The following ACSL5 variants were observed in gnomAD, a reference collection of about 807,000 sequenced individuals.
The protein encoded by ACSL5 is long-chain-fatty-acid--CoA ligase 5.
A neutral mutation model predicts 84.9 loss-of-function variants in ACSL5; 50 were observed. The observed-to-expected ratio is 0.59, with a 90% CI of 0.47 to 0.75. ACSL5 has a LOEUF of 0.75. ACSL5 is among the 30% of genes least tolerant of loss of function. The probability of loss-of-function intolerance (pLI) is 0.00; values close to 1 mark genes in which losing one functional copy is unlikely to be tolerated. For synonymous variants in ACSL5, 280 were observed against 300.7 expected (o/e 0.93, Z 0.71); for missense variants, 775 against 830.4 (o/e 0.93, Z 0.82).
intron 1 of ACSL5, among the ~76,000 whole-genome samples, chr10:112,390,651 GATAA>G (rs1051764118): frequency 1.9e-4 from 22 of 114,870 alleles, no homozygotes; most frequent in South Asian, 3.0e-4. Flanking sequence ...CTGGTAGATA[GATAA>G]ATAGATAGAT....
chr10:112,409,558 T>C lies in ACSL5; in HGVS notation c.584T>C (p.Ile195Thr). 6.2e-7 allele frequency: 1 copy of C among 1,613,992 alleles called. No homozygotes were observed. Among genetic ancestry groups the C allele is most frequent in the South Asian group, 1.1e-5 (1 of 91,058 alleles). The change falls in exon 7 of 21, where the codon ATA becomes ACA. Residue 195 changes from isoleucine to threonine, a missense_variant. Ile to Thr is a moderately conservative substitution (Grantham distance 89). Transcript: ENST00000354655. ...CDTPQKALVL[I>T]GNVEKGFTPS... The stretch of plus-strand genomic sequence containing the variant: ...ACACCCCAAAAGGCATTGGTGCTGA[T>C]AGGGAATGTAGAGAAAGGCTTCACC...
Position 112,422,557 on chromosome 10 carries a change from G to A in ACSL5, c.1593+116G>A, listed in dbSNP as rs866690382. ...GTTAATCAGCTGAGGCAGCTGGAGG[G>A]GATTAGGTTTGTACCCTACCTGGCT... On this transcript the variant is annotated intron_variant, in intron 17 of 20. Coordinates refer to ENST00000354655, the MANE Select transcript of ACSL5 (RefSeq NM_203379.2). 16 of 959,626 alleles carry A rather than the reference G, an allele frequency of 1.7e-5. No homozygotes were observed. The Middle Eastern group carries it at 1.8e-3, about 110-fold the overall frequency. The allele number at this position is 959,626 out of a possible 1,614,324, so 59.4% of individuals were successfully genotyped here. A position where few individuals can be genotyped will look rare whatever the true frequency, so the allele number is the denominator to read the frequency against.
Position 112,422,307 on chromosome 10 carries a change from T to C in ACSL5, c.1477-18T>C, listed in dbSNP as rs1391439223. On this transcript the variant is annotated intron_variant, in intron 16 of 20. Coordinates refer to ENST00000354655, the MANE Select transcript of ACSL5 (RefSeq NM_203379.2). The stretch of plus-strand genomic sequence containing the variant: ...GCAGCCTTTGCTATTGTCACCGCCT[T>C]GTATGTCTGCTGTGCAGGTCTGCAT... 1 of 1,605,452 alleles carries C rather than the reference T, an allele frequency of 6.2e-7. No homozygotes were observed. Among genetic ancestry groups the C allele is most frequent in the Non-Finnish European group, 8.5e-7 (1 of 1,173,988 alleles).
chr10:112,428,236 C>T lies in ACSL5; in HGVS notation c.*878C>T. On this transcript the variant is annotated 3_prime_UTR_variant, in exon 21 of 21. Transcript: ENST00000354655. Reference sequence around the variant, plus strand: ...GATCTACAGGCAAGCAAGATGCCCACACAACAGGCTTATTTTCTGTGAAGG... The same window carrying T: ...GATCTACAGGCAAGCAAGATGCCCATACAACAGGCTTATTTTCTGTGAAGG... The T allele has an allele frequency of 2.6e-6, 1 of 381,710 alleles. No individual in the cohort carries two copies. Among genetic ancestry groups the T allele is most frequent in the South Asian group, 1.5e-4 (1 of 6,840 alleles). 23.6% of individuals were successfully genotyped at this position (381,710 alleles called of 1,614,324 possible). A position where few individuals can be genotyped will look rare whatever the true frequency, so the allele number is the denominator to read the frequency against.
At position 112,422,439 on chromosome 10, in the gene ACSL5, C is replaced by T. The variant is rs1844486900; in HGVS notation, c.1591C>T (p.Pro531Ser). Residue 531 changes from proline (P) to serine (S), a missense_variant and splice_region_variant, in exon 17 of 21, where the codon CCG becomes TCG. Coordinates refer to ENST00000354655, the MANE Select transcript of ACSL5 (RefSeq NM_203379.2). ...CACAGGAGACATTGGTCGCTGGCTC[C>T]CGGTAGGTATATCATCAGAACTCCT... ...LHTGDIGRWL[P>S]NGTLKIIDRK... 2 of 1,613,494 alleles carry T rather than the reference C, an allele frequency of 1.2e-6. No homozygotes were observed. Among genetic ancestry groups the T allele is most frequent in the Non-Finnish European group, 1.7e-6 (2 of 1,179,556 alleles).
intron 1 of ACSL5, among the ~76,000 whole-genome samples, chr10:112,381,457 CAG>C (rs1161998822): frequency 6.6e-6 from 1 of 150,812 alleles, no homozygotes; most frequent in Non-Finnish European, 1.5e-5. Flanking sequence ...CACTTGAAGT[CAG>C]AGTTCGAGAC....
chr10:112,399,027 TC>T lies in ACSL5; in HGVS notation c.265+20del. 6.2e-7 allele frequency: 1 copy of T among 1,601,100 alleles called. No homozygotes were observed. ...TGTGTCTGGTAAGCCTGGTGGTCTG[TC>T]CTTGCCTGAAGAAGACAAGGTGAGG... On this transcript the variant is annotated intron_variant, in intron 3 of 20. Transcript: ENST00000354655.
At chr10:112,382,479 G>C (rs1774337234) in intron 1 of ACSL5, among the ~76,000 whole-genome samples, 1 of 152,222 alleles carries the variant, frequency 6.6e-6, no homozygotes, top group Admixed American at 6.5e-5. Flanking sequence ...ATGTGCATGA[G>C]TGCTCACAGC....
intron 1 of ACSL5, among the ~76,000 whole-genome samples, chr10:112,388,482 G>C (rs1452755574): frequency 6.6e-6 from 1 of 152,108 alleles, no homozygotes; most frequent in East Asian, 1.9e-4. Context: ...GGGGTTTAAG[G>C]GTGGGGTCTT....
At position 112,397,176 on chromosome 10, in the gene ACSL5, T is replaced by C. The variant is rs572260661; in HGVS notation, c.157-1725T>C. Among the ~76,000 whole-genome samples, 40 of 151,716 alleles carry C rather than the reference T, an allele frequency of 2.6e-4. No individual in the cohort carries two copies. In the South Asian group the frequency reaches 4.4e-3, roughly 17 times the overall value. ...CCTAGCTACTCCCTTTTTCTTTTTT[T>C]TTTTTTTTTTAGAGGAAGTCTCGCT... On this transcript the variant is annotated intron_variant, in intron 2 of 20. Transcript: ENST00000354655.
At chr10:112,396,389 G>A (rs1229777215) in intron 2 of ACSL5, 1 of 152,136 alleles carries the variant, frequency 6.6e-6, no homozygotes, top group African/African-American at 2.4e-5. Flanking sequence ...CTTTTGCAAC[G>A]ACTCAATGCT....
chr10:112,421,254 G>T (rs1471330295), intron 14 of ACSL5, among the ~76,000 whole-genome samples: 1 of 152,164 alleles, frequency 6.6e-6, no homozygotes, highest in African/African-American at 2.4e-5. Context: ...TGCCTCCCAG[G>T]TTCAAGAGAT....
chr10:112,408,769 A>T (rs1188048811), intron 6 of ACSL5: 5 of 430,924 alleles, frequency 1.2e-5, no homozygotes, highest in Admixed American at 3.5e-5. Context: ...ACATGGTATG[A>T]TGATATAGAG....
rs112366994 is a variant in ACSL5 at position 112,398,361 on chromosome 10, G to A, written c.157-540G>A. Among the ~76,000 whole-genome samples, 3 of 148,406 alleles carry A rather than the reference G, an allele frequency of 2.0e-5. 1 individual carries two copies. Among genetic ancestry groups the A allele is most frequent in the African/African-American group, 5.0e-5 (2 of 40,204 alleles). ...ATTACAGGCGTGAGCCACCGCGCCC[G>A]GCCACAGATCCACTTTTCTTAAGCC... On this transcript the variant is annotated intron_variant, in intron 2 of 20. Coordinates refer to ENST00000354655, the MANE Select transcript of ACSL5 (RefSeq NM_203379.2).
chr10:112,408,631 T>C (rs539371603), intron 6 of ACSL5, 110 bp downstream of exon 6: 1 of 785,634 alleles, frequency 1.3e-6, no homozygotes, highest in East Asian at 2.6e-5. Flanking sequence ...CTTGAAATGC[T>C]GTGGTCGGAA....
At chr10:112,412,249 G>A (rs1844195092) in intron 11 of ACSL5, 1 of 394,656 alleles carries the variant, frequency 2.5e-6, no homozygotes, top group Admixed American at 4.0e-5. Context: ...ACAGCTAGGA[G>A]CTTACTATCT....
intron 1 of ACSL5, among the ~76,000 whole-genome samples, chr10:112,394,176 C>A (rs1259770893): frequency 6.6e-6 from 1 of 152,182 alleles, no homozygotes; most frequent in Non-Finnish European, 1.5e-5. Context: ...CTTTTAGTTT[C>A]TTGAGATCTC....
Position 112,428,158 on chromosome 10 carries a change from T to C in ACSL5, c.*800T>C. On this transcript the variant is annotated 3_prime_UTR_variant, in exon 21 of 21. Transcript: ENST00000354655. Reference sequence around the variant, plus strand: ...AGTTGACAGGTGGGCCCAGTGAACTTTTCCAGTAAATGAAGCAAGCACTGA... The same window carrying C: ...AGTTGACAGGTGGGCCCAGTGAACTCTTCCAGTAAATGAAGCAAGCACTGA... 1 of 320,554 alleles carries C rather than the reference T, an allele frequency of 3.1e-6. No homozygotes were observed. Among genetic ancestry groups the C allele is most frequent in the Non-Finnish European group, 5.6e-6 (1 of 177,060 alleles). The allele number at this position is 320,554 out of a possible 1,614,324, so 19.9% of individuals were successfully genotyped here. A position where few individuals can be genotyped will look rare whatever the true frequency, so the allele number is the denominator to read the frequency against.
chr10:112,391,496 T>G (rs1843638890), intron 1 of ACSL5, among the ~76,000 whole-genome samples: 1 of 152,236 alleles, frequency 6.6e-6, no homozygotes. Flanking sequence ...AAATCCTTCC[T>G]TCATTGTCTT....
Sources: allele counts gnomAD v4.1 joint callset (sites outside exome capture counted in the v4.1 genomes callset), GRCh38; gene constraint gnomAD v4.1.1; transcripts MANE v1.5; gene names NCBI Gene and HGNC (gene_info 2026-07-23, HGNC 2026-07-21).